Variants in EZR observed in about 807,000 individuals in gnomAD.
The protein encoded by EZR is ezrin.
EZR carries 40 observed loss-of-function variants against 74.8 expected under a neutral mutation model. The observed-to-expected ratio is 0.53, with a 90% CI of 0.42 to 0.70. The LOEUF (loss-of-function observed/expected upper bound fraction) is 0.70, where lower values mean the gene tolerates loss of function less well. Ranked by LOEUF, EZR falls within the 30% of genes least tolerant of loss-of-function variation. The pLI is 0.00. For synonymous variants in EZR, 341 were observed against 283.3 expected (o/e 1.20, Z -2.05); for missense variants, 678 against 755.8 (o/e 0.90, Z 1.21).
At position 158,767,264 on chromosome 6, in the gene EZR, C is replaced by A; in HGVS notation, c.1593G>T (p.Leu531=). The change falls in exon 13 of 14, where the codon CTG becomes CTT. Residue 531 remains leucine (L), a synonymous_variant. Transcript: ENST00000367075. ...GACAGAGCCCCTTGGGCCTCACCAG[C>A]AGCTGCCGCTGCACACGCTCGTTCT... is the stretch of plus-strand genomic sequence containing the variant. ...AEKNERVQRQ[L]LTLSSELSQA... The A allele has an allele frequency of 5.0e-6, 8 of 1,611,692 alleles. No individual in the cohort carries two copies. Among genetic ancestry groups the A allele is most frequent in the Non-Finnish European group, 5.9e-6 (7 of 1,178,428 alleles).
At chr6:158,802,814 G>C (rs1777216430) in intron 2 of EZR, among the ~76,000 whole-genome samples, 1 of 152,180 alleles carries the variant, frequency 6.6e-6, no homozygotes, top group Non-Finnish European at 1.5e-5. Context: ...ACAGGTGTGA[G>C]CCACCGCGCC....
intron 12 of EZR, among the ~76,000 whole-genome samples, chr6:158,768,076 C>T (rs1273854735): frequency 1.3e-5 from 2 of 151,948 alleles, no homozygotes; most frequent in African/African-American, 4.8e-5. Context: ...ACCCAAATCT[C>T]ATCTCCACCT....
At chr6:158,781,747 G>GTTCCTATATC (rs56109661) in intron 7 of EZR, among the ~76,000 whole-genome samples, 2 of 151,654 alleles carry the variant, frequency 1.3e-5, no homozygotes, top group African/African-American at 4.8e-5. Context: ...CTGGTTCCAA[G>GTTCCTATATC]TACCCACTTT....
intron 1 of EZR, among the ~76,000 whole-genome samples, chr6:158,819,030 T>TA (rs1258515602): frequency 6.6e-6 from 1 of 152,082 alleles, no homozygotes; most frequent in Non-Finnish European, 1.5e-5. Context: ...GAGAAACTCT[T>TA]TCAAAAACTG....
At chr6:158,789,418 C>G (rs759356070) in intron 2 of EZR, 47 bp from the exon 3 acceptor site, 1 of 1,524,170 alleles carries the variant, frequency 6.6e-7, no homozygotes, top group East Asian at 2.3e-5. Flanking sequence ...GTATTCTTTT[C>G]TTCTAATAAC....
intron 7 of EZR, among the ~76,000 whole-genome samples, chr6:158,780,464 T>G (rs1485455758): frequency 6.6e-6 from 1 of 152,100 alleles, no homozygotes; most frequent in African/African-American, 2.4e-5. Context: ...AGGGTGACAG[T>G]GGAGTGCATA....
chr6:158,775,740 T>TA (rs2128567605), intron 8 of EZR, among the ~76,000 whole-genome samples: 1 of 152,384 alleles, frequency 6.6e-6, no homozygotes, highest in Non-Finnish European at 1.5e-5. Flanking sequence ...GTTATGTGCG[T>TA]ATGTCTCAAA....
At chr6:158,784,477 T>TA (rs1791513501) in intron 6 of EZR, among the ~76,000 whole-genome samples, 167 bp downstream of exon 6, 1 of 152,074 alleles carries the variant, frequency 6.6e-6, no homozygotes, top group Admixed American at 6.5e-5. Flanking sequence ...CTGGCTTTGT[T>TA]TAAAAAAAAC....
At chr6:158,770,087 A>G (rs2128565183) in intron 10 of EZR, 143 bp from the exon 11 acceptor site, 1 of 1,084,270 alleles carries the variant, frequency 9.2e-7, no homozygotes. Context: ...CCTGGAGGAA[A>G]GCACTTCACA....
chr6:158,771,172 T>A, intron 9 of EZR, 72 bp downstream of exon 9: 3 of 1,466,746 alleles, frequency 2.0e-6, no homozygotes, highest in Non-Finnish European at 2.7e-6. Flanking sequence ...CACAGTCACC[T>A]GACAGGCACT....
intron 8 of EZR, among the ~76,000 whole-genome samples, chr6:158,775,545 C>T (rs1791251420): frequency 6.6e-6 from 1 of 152,140 alleles, no homozygotes; most frequent in African/African-American, 2.4e-5. Context: ...TTTGCCTCTC[C>T]AAGCTTAACA....
chr6:158,776,680 C>T (rs1791288867), intron 7 of EZR, among the ~76,000 whole-genome samples, 176 bp from the exon 8 acceptor site: 1 of 152,154 alleles, frequency 6.6e-6, no homozygotes, highest in Admixed American at 6.5e-5. Context: ...TAGGTTAAGC[C>T]AAGTGGTTGG....
intron 2 of EZR, among the ~76,000 whole-genome samples, chr6:158,808,487 T>C (rs1297355128): frequency 1.4e-5 from 2 of 147,472 alleles, no homozygotes; most frequent in Non-Finnish European, 3.1e-5. Context: ...ACTACATTAT[T>C]TCATCGGGCT....
intron 2 of EZR, among the ~76,000 whole-genome samples, chr6:158,803,965 T>C (rs1054581879): frequency 6.6e-6 from 1 of 152,092 alleles, no homozygotes; most frequent in African/African-American, 2.4e-5. Context: ...AGTTCTGTGC[T>C]AAGCCCTCCC....
intron 7 of EZR, among the ~76,000 whole-genome samples, chr6:158,783,058 G>A (rs1256672436): frequency 6.6e-6 from 1 of 152,162 alleles, no homozygotes; most frequent in Non-Finnish European, 1.5e-5. Flanking sequence ...CCAGCATTTA[G>A]CTCAAGTGTC....
rs752234117 is a variant in EZR, at chr6:158,771,362, G to T, written c.841C>A (p.Leu281Met). ...APRLRINKRILQLCMGNHELY... is the reference protein window; with the variant it reads ...APRLRINKRIMQLCMGNHELY... ...TCATGGTTGCCCATGCAGAGCTGCAGGATCCGCTTGTTGATTCTCAGACGT... is the reference window on the plus strand; with the variant it reads ...TCATGGTTGCCCATGCAGAGCTGCATGATCCGCTTGTTGATTCTCAGACGT... The change falls in exon 9 of 14, where the codon CTG becomes ATG. Residue 281 changes from leucine to methionine, a missense_variant. By Grantham distance (15) the Leu-to-Met change is conservative (BLOSUM62 2). Around this residue, in one of 3 missense-constraint regions of EZR, gnomAD observed 119 missense variants for 182.3 expected, o/e 0.65. Coordinates refer to ENST00000367075, the MANE Select transcript of EZR (RefSeq NM_001111077.2). 1 of 1,613,784 alleles carries T rather than the reference G, an allele frequency of 6.2e-7. No homozygotes were observed. Among genetic ancestry groups the T allele is most frequent in the Non-Finnish European group, 8.5e-7 (1 of 1,179,750 alleles).
chr6:158,818,012 C>T (rs1430368695), intron 2 of EZR, 70 bp downstream of exon 2: 4 of 1,528,874 alleles, frequency 2.6e-6, no homozygotes, highest in Admixed American at 1.7e-5. Flanking sequence ...GCCCCAACAC[C>T]TCGAGCAGGT....
chr6:158,806,564 TA>T (rs375547734), intron 2 of EZR, among the ~76,000 whole-genome samples: 3,276 of 144,916 alleles, frequency 0.023, 44 homozygotes, highest in Non-Finnish European at 0.033. Flanking sequence ...TCTAAAGCAC[TA>T]AAAAAAAAAA....
intron 4 of EZR, among the ~76,000 whole-genome samples, chr6:158,786,026 G>A (rs1791571405): frequency 6.6e-6 from 1 of 151,976 alleles, no homozygotes; most frequent in Non-Finnish European, 1.5e-5. Flanking sequence ...ACTCCAGCCT[G>A]GGTGACAGAG....
Sources: gnomAD v4.1 joint callset for allele counts (sites outside exome capture counted in the v4.1 genomes callset) on GRCh38, gnomAD v4.1.1 for gene constraint, gnomAD v4.1.1 regional missense constraint, MANE v1.5 for transcripts, NCBI Gene and HGNC (gene_info 2026-07-23, HGNC 2026-07-21) for gene names.